NEGR1: variants seen among roughly 807,000 people sequenced by gnomAD.
NEGR1 encodes IgLON family member 4.
In NEGR1, 10 loss-of-function variants were observed where a neutral mutation model predicts 40.9. The ratio of observed to expected loss-of-function variants is 0.24; its 90% CI spans 0.15 to 0.42. The LOEUF (loss-of-function observed/expected upper bound fraction) is 0.42, where lower values mean the gene tolerates loss of function less well. NEGR1 is among the 10% of genes least tolerant of loss of function. The pLI is 1.00. For missense variants in NEGR1, 352 were observed against 438.9 expected, an observed-to-expected ratio of 0.80 and a Z score of 1.77; for synonymous variants, 185 against 166.8, an observed-to-expected ratio of 1.11 and a Z score of -0.84.
chr1:71,572,855 G>C (rs1458152212), intron 6 of NEGR1, among the ~76,000 whole-genome samples: 1 of 152,098 alleles, frequency 6.6e-6, no homozygotes, highest in Non-Finnish European at 1.5e-5. Context: ...CCCTAGAAGA[G>C]TAATCAATGA....
chr1:71,686,165 G>A (rs1032995934), intron 4 of NEGR1, among the ~76,000 whole-genome samples: 1 of 151,986 alleles, frequency 6.6e-6, no homozygotes, highest in African/African-American at 2.4e-5. Context: ...TTGCTTTCAG[G>A]CAAAAATTTT....
chr1:71,676,003 G>A (rs918710291), intron 4 of NEGR1, among the ~76,000 whole-genome samples: 18 of 152,102 alleles, frequency 1.2e-4, no homozygotes, highest in African/African-American at 4.3e-4. Flanking sequence ...ACAGGTGTTT[G>A]ACTTCCACCA....
chr1:71,858,089 T>G (rs1054811481), intron 2 of NEGR1, among the ~76,000 whole-genome samples: 1 of 152,068 alleles, frequency 6.6e-6, no homozygotes, highest in African/African-American at 2.4e-5. Flanking sequence ...ATATTTTCCC[T>G]GGTGTTCTAT....
At chr1:71,711,341 C>CAA (rs59376519) in intron 3 of NEGR1, among the ~76,000 whole-genome samples, 19,288 of 58,272 alleles carry the variant, frequency 0.33, 3,059 homozygotes, top group South Asian at 0.46. Flanking sequence ...GAGATTCCAC[C>CAA]AAAAAAAAAA....
intron 2 of NEGR1, among the ~76,000 whole-genome samples, chr1:71,918,664 A>G (rs983964841): frequency 8.1e-5 from 12 of 148,894 alleles, no homozygotes; most frequent in Non-Finnish European, 1.5e-4. Flanking sequence ...TTTTTAAATG[A>G]GAGTATGGTA....
intron 1 of NEGR1, among the ~76,000 whole-genome samples, chr1:72,008,083 A>G (rs991736278): frequency 1.3e-5 from 2 of 152,136 alleles, no homozygotes; most frequent in African/African-American, 4.8e-5. Context: ...AATTTTACTT[A>G]ACAAGAACAA....
chr1:71,447,374 G>T (rs1266310368), intron 6 of NEGR1, among the ~76,000 whole-genome samples: 1 of 152,162 alleles, frequency 6.6e-6, no homozygotes, highest in Admixed American at 6.5e-5. Flanking sequence ...AATGCCCATT[G>T]ATATAAATCA....
chr1:72,186,109 G>T (rs947658392), intron 1 of NEGR1, among the ~76,000 whole-genome samples: 13 of 151,602 alleles, frequency 8.6e-5, no homozygotes, highest in Non-Finnish European at 1.8e-4. Context: ...AATTTGTAAA[G>T]GAAATAGATC....
At chr1:72,058,198 A>T (rs1414706443) in intron 1 of NEGR1, among the ~76,000 whole-genome samples, 2 of 151,610 alleles carry the variant, frequency 1.3e-5, no homozygotes, top group East Asian at 3.9e-4. Context: ...TTTGCATATG[A>T]TATAACTCAG....
Position 71,745,501 on chromosome 1 carries a change from T to C in NEGR1, c.535+30671A>G, listed in dbSNP as rs528886802. ...TTTGGTGGGTGATCTACAACATCACTGCCTGAGTGAGACACATCTGTAACC... is the reference window on the plus strand; with the variant it reads ...TTTGGTGGGTGATCTACAACATCACCGCCTGAGTGAGACACATCTGTAACC... On this transcript the variant is annotated intron_variant, in intron 3 of 6. Coordinates refer to ENST00000357731, the MANE Select transcript of NEGR1 (RefSeq NM_173808.3). Among the ~76,000 whole-genome samples, 16 of 152,220 alleles carry C rather than the reference T, an allele frequency of 1.1e-4. No homozygotes were observed. In the South Asian group the frequency reaches 1.5e-3, roughly 14 times the overall value.
At chr1:71,911,124 T>A (rs1229508002) in intron 2 of NEGR1, among the ~76,000 whole-genome samples, 1 of 152,204 alleles carries the variant, frequency 6.6e-6, no homozygotes, top group Non-Finnish European at 1.5e-5. Context: ...TACAAGTCTG[T>A]CAAGCATTAT....
chr1:71,614,868 C>T (rs920516191), intron 4 of NEGR1, among the ~76,000 whole-genome samples: 1 of 152,098 alleles, frequency 6.6e-6, no homozygotes, highest in Non-Finnish European at 1.5e-5. Context: ...GGGTGCTTTA[C>T]CACACAAGTT....
At chr1:71,748,024 A>G (rs903837944) in intron 3 of NEGR1, among the ~76,000 whole-genome samples, 1 of 152,182 alleles carries the variant, frequency 6.6e-6, no homozygotes, top group African/African-American at 2.4e-5. Context: ...GATTTTGTAA[A>G]TACTTTCATG....
intron 1 of NEGR1, among the ~76,000 whole-genome samples, chr1:72,181,151 A>C (rs1255132808): frequency 6.6e-6 from 1 of 152,156 alleles, no homozygotes; most frequent in Non-Finnish European, 1.5e-5. Context: ...AGATGAGTTT[A>C]TTTGACATTG....
intron 1 of NEGR1, among the ~76,000 whole-genome samples, chr1:72,122,202 A>G (rs1231844587): frequency 9.2e-5 from 14 of 152,012 alleles, no homozygotes; most frequent in Admixed American, 9.2e-4. Context: ...TGCTGTCTTC[A>G]TCTATTTCCA....
intron 1 of NEGR1, among the ~76,000 whole-genome samples, chr1:72,046,681 A>G (rs1647005217): frequency 6.6e-6 from 1 of 151,648 alleles, no homozygotes; most frequent in Non-Finnish European, 1.5e-5. Context: ...TCCAATGGTA[A>G]TGAAAGGTAC....
At chr1:72,005,473 A>G (rs1456861775) in intron 1 of NEGR1, among the ~76,000 whole-genome samples, 3 of 152,170 alleles carry the variant, frequency 2.0e-5, no homozygotes, top group African/African-American at 4.8e-5. Flanking sequence ...TTTTTAAAGA[A>G]TACGGTAAAA....
chr1:71,848,517 C>A (rs1659495724), intron 2 of NEGR1, among the ~76,000 whole-genome samples: 1 of 152,182 alleles, frequency 6.6e-6, no homozygotes, highest in South Asian at 2.1e-4. Flanking sequence ...ATCTATACCA[C>A]CTGTGCTCCA....
intron 6 of NEGR1, among the ~76,000 whole-genome samples, chr1:71,541,463 G>C (rs956897196): frequency 2.0e-5 from 3 of 151,732 alleles, no homozygotes; most frequent in African/African-American, 4.8e-5. Context: ...TATCCCTGGA[G>C]TATTGGCTTT....
Sources: allele counts gnomAD v4.1 joint callset (sites outside exome capture counted in the v4.1 genomes callset), GRCh38; gene constraint gnomAD v4.1.1; transcripts MANE v1.5; gene names NCBI Gene and HGNC (gene_info 2026-07-23, HGNC 2026-07-21).